Variants in SAMD5 observed in about 807,000 individuals in gnomAD.
SAMD5 encodes the protein sterile alpha motif domain-containing protein 5.
A neutral mutation model predicts 11.3 loss-of-function variants in SAMD5; 13 were observed. That is an observed-to-expected ratio of 1.15 (90% CI 0.75 to 1.83). SAMD5 has a LOEUF of 1.83. Ranked by LOEUF, SAMD5 falls within the 40% of genes most tolerant of loss-of-function variation. SAMD5 has a pLI of 0.00. For synonymous variants in SAMD5, 129 were observed against 111.3 expected, an observed-to-expected ratio of 1.16 and a Z score of -1.00; for missense variants, 255 against 239.1, an observed-to-expected ratio of 1.07 and a Z score of -0.44.
the SAMD5 span, among the ~76,000 whole-genome samples, chr6:147,816,319 TATATATATAC>T: frequency 2.3e-5 from 3 of 130,202 alleles, no homozygotes; most frequent in Admixed American, 1.6e-4. Flanking sequence ...TATATATATA[TATATATATAC>T]AGCAAATTGT....
chr6:147,940,183 C>T, the SAMD5 span, among the ~76,000 whole-genome samples: 1 of 150,332 alleles, frequency 6.7e-6, no homozygotes, highest in African/African-American at 2.4e-5. Flanking sequence ...ATGACTCTCC[C>T]AGGTCATTGG....
the SAMD5 span, among the ~76,000 whole-genome samples, chr6:147,848,270 G>C: frequency 5.9e-5 from 9 of 152,256 alleles, no homozygotes; most frequent in South Asian, 4.1e-4. Context: ...GGGCGGTCTG[G>C]ATGAGCTCTA....
At chr6:147,929,395 A>T in the SAMD5 span, among the ~76,000 whole-genome samples, 1 of 152,142 alleles carries the variant, frequency 6.6e-6, no homozygotes. Flanking sequence ...TATTTTATTT[A>T]CACCAGTGGG....
At chr6:147,734,711 T>TAAAAAATAAAAAAA (rs1791768183) in intron 1 of SAMD5, among the ~76,000 whole-genome samples, 1 of 26,100 alleles carries the variant, frequency 3.8e-5, no homozygotes, top group African/African-American at 9.3e-5. Context: ...AGACTCCATC[T>TAAAAAATAAAAAAA]AAAAAAAAAA....
chr6:147,699,737 T>C (rs1791226108), intron 1 of SAMD5, among the ~76,000 whole-genome samples: 1 of 152,198 alleles, frequency 6.6e-6, no homozygotes, highest in South Asian at 2.1e-4. Flanking sequence ...TAGCTAGTTA[T>C]TAACCAGCGA....
At position 147,673,049 on chromosome 6, in the gene SAMD5, C is replaced by T. The variant is rs182975013; in HGVS notation, c.163-64268C>T. Among the ~76,000 whole-genome samples, 335 of 152,132 alleles carry T rather than the reference C, an allele frequency of 2.2e-3. 2 individuals are homozygous for T. Among genetic ancestry groups the T allele is most frequent in the African/African-American group, 7.6e-3 (316 of 41,494 alleles). Reference sequence around the variant, plus strand: ...CCTTTTTCTTGTGTTATTTTGTTGGCTAGAACTTCTAGAATAATGTTGAAT... The same window carrying T: ...CCTTTTTCTTGTGTTATTTTGTTGGTTAGAACTTCTAGAATAATGTTGAAT... On this transcript the variant is annotated intron_variant, in intron 1 of 1. Transcript: ENST00000566741.
At chr6:147,528,402 C>T (rs576835082) in intron 1 of SAMD5, among the ~76,000 whole-genome samples, 126 of 152,276 alleles carry the variant, frequency 8.3e-4, no homozygotes, top group African/African-American at 2.7e-3. Context: ...TGTGTCCTCA[C>T]GTGGTCACCC....
At chr6:147,722,310 G>T (rs1184431253) in intron 1 of SAMD5, among the ~76,000 whole-genome samples, 1 of 151,280 alleles carries the variant, frequency 6.6e-6, no homozygotes, top group South Asian at 2.1e-4. Context: ...AATTAGCATT[G>T]TATATAGATG....
the SAMD5 span, among the ~76,000 whole-genome samples, chr6:147,780,273 T>C: frequency 1.6e-4 from 24 of 152,012 alleles, no homozygotes; most frequent in African/African-American, 5.8e-4. Flanking sequence ...AGTGGTGTGA[T>C]CTTGGCTCGC....
chr6:147,823,565 A>G, the SAMD5 span, among the ~76,000 whole-genome samples: 1 of 152,226 alleles, frequency 6.6e-6, no homozygotes, highest in Admixed American at 6.5e-5. Flanking sequence ...AGCATGGCAT[A>G]TCTATACCTA....
the SAMD5 span, among the ~76,000 whole-genome samples, chr6:147,804,828 C>A: frequency 6.6e-6 from 1 of 152,064 alleles, no homozygotes; most frequent in Admixed American, 6.6e-5. Context: ...GGATTGCTCC[C>A]AGCATATAAA....
At chr6:147,751,155 G>C in the SAMD5 span, among the ~76,000 whole-genome samples, 1 of 152,030 alleles carries the variant, frequency 6.6e-6, no homozygotes, top group African/African-American at 2.4e-5. Flanking sequence ...TTCTTGGAAA[G>C]TTCTCTTGTC....
At chr6:147,690,255 A>T (rs1300008062) in intron 1 of SAMD5, among the ~76,000 whole-genome samples, 1 of 152,242 alleles carries the variant, frequency 6.6e-6, no homozygotes, top group Non-Finnish European at 1.5e-5. Context: ...CACTTGATAC[A>T]TTTATTACTT....
the SAMD5 span, among the ~76,000 whole-genome samples, chr6:147,889,830 C>T: frequency 1.3e-5 from 2 of 152,138 alleles, no homozygotes; most frequent in African/African-American, 2.4e-5. Context: ...CAGACATATG[C>T]GTTGATCAGG....
the SAMD5 span, among the ~76,000 whole-genome samples, chr6:147,847,499 T>A: frequency 2.0e-5 from 3 of 152,158 alleles, no homozygotes. Context: ...TAAAACAGAC[T>A]CCTAAATACA....
the SAMD5 span, among the ~76,000 whole-genome samples, chr6:147,907,397 G>T: frequency 6.6e-6 from 1 of 152,202 alleles, no homozygotes; most frequent in African/African-American, 2.4e-5. Context: ...AGAAAGAAAA[G>T]TGTCCCCCAT....
At chr6:147,606,645 T>C (rs1312598096) in intron 1 of SAMD5, among the ~76,000 whole-genome samples, 1 of 151,780 alleles carries the variant, frequency 6.6e-6, no homozygotes, top group Non-Finnish European at 1.5e-5. Context: ...ACAACTGTAA[T>C]AGTACATACC....
chr6:147,520,450 G>T (rs954477815), intron 1 of SAMD5, among the ~76,000 whole-genome samples: 1 of 152,150 alleles, frequency 6.6e-6, no homozygotes, highest in Non-Finnish European at 1.5e-5. Flanking sequence ...TACTGACAGT[G>T]AGTAAACCAT....
chr6:147,798,380 G>C, the SAMD5 span, among the ~76,000 whole-genome samples: 5 of 150,516 alleles, frequency 3.3e-5, no homozygotes, highest in Admixed American at 6.6e-5. Context: ...GAGCGGTTTT[G>C]AGTGAGATTC....
Sources: allele counts gnomAD v4.1 joint callset (sites outside exome capture counted in the v4.1 genomes callset), GRCh38; gene constraint gnomAD v4.1.1; transcripts MANE v1.5; gene names NCBI Gene and HGNC (gene_info 2026-07-23, HGNC 2026-07-21).